Variants in CSMD1 observed in about 807,000 individuals in gnomAD.
CSMD1 encodes CUB and Sushi multiple domains 1, also known as CUB and sushi domain-containing protein 1.
In CSMD1, 213 loss-of-function variants were observed where a neutral mutation model predicts 417.5. That is an observed-to-expected ratio of 0.51 (90% confidence interval 0.46 to 0.57). CSMD1 has a LOEUF of 0.57. CSMD1 is among the 20% of genes least tolerant of loss of function. The pLI, the probability that CSMD1 is intolerant of heterozygous loss-of-function variation, is 0.00. For missense variants in CSMD1, 6,923 were observed against 4,529.7 expected, an observed-to-expected ratio of 1.53 and a Z score of -15.17; for synonymous variants, 2,862 against 1,736.8, an observed-to-expected ratio of 1.65 and a Z score of -16.11.
rs1797582985 is a variant in CSMD1 at position 4,035,746 on chromosome 8, AAAG to A, written c.416-3650_416-3648del. ...GAAGAGTCAAATGCTTAAAAATGAA[AAAG>A]AAGTTTATGAAGTAACGTTATACTA... On this transcript the variant is annotated intron_variant, in intron 3 of 69. Transcript: ENST00000635120. 2.0e-5 allele frequency among the ~76,000 whole-genome samples: 3 copies of A among 152,234 alleles called. 1 individual carries two copies. Among genetic ancestry groups the A allele is most frequent in the Non-Finnish European group, 4.4e-5 (3 of 68,038 alleles).
intron 62 of CSMD1, 23 bp downstream of exon 62, chr8:2,961,118 A>C: frequency 6.9e-7 from 1 of 1,452,952 alleles, no homozygotes; most frequent in Non-Finnish European, 9.4e-7. Context: ...GAAAGAAAAC[A>C]TAGTAAATTC....
At chr8:4,904,606 G>A (rs1805115478) in intron 1 of CSMD1, among the ~76,000 whole-genome samples, 1 of 152,076 alleles carries the variant, frequency 6.6e-6, no homozygotes, top group African/African-American at 2.4e-5. Context: ...GCACATATAT[G>A]AGTGAGCCAG....
At chr8:4,818,634 A>G (rs955197598) in intron 1 of CSMD1, among the ~76,000 whole-genome samples, 2 of 152,200 alleles carry the variant, frequency 1.3e-5, no homozygotes, top group African/African-American at 4.8e-5. Flanking sequence ...GTGCCAGTAA[A>G]AGGAAATAAT....
At chr8:3,357,652 T>A (rs1808881713) in intron 21 of CSMD1, among the ~76,000 whole-genome samples, 2 of 152,302 alleles carry the variant, frequency 1.3e-5, no homozygotes, top group South Asian at 4.1e-4. Flanking sequence ...CATATCTAGA[T>A]GTCACCTTGA....
intron 28 of CSMD1, among the ~76,000 whole-genome samples, chr8:3,220,555 G>A (rs968196047): frequency 6.6e-6 from 1 of 152,180 alleles, no homozygotes; most frequent in Non-Finnish European, 1.5e-5. Context: ...CATTGCAGCA[G>A]AGCACAGTGG....
At chr8:4,846,530 C>G (rs755734019) in intron 1 of CSMD1, among the ~76,000 whole-genome samples, 3 of 152,162 alleles carry the variant, frequency 2.0e-5, no homozygotes, top group Non-Finnish European at 4.4e-5. Flanking sequence ...CTGTTTTGGT[C>G]CAGCCACAGG....
chr8:4,371,079 T>G (rs1017707199), intron 3 of CSMD1, among the ~76,000 whole-genome samples: 3 of 152,214 alleles, frequency 2.0e-5, no homozygotes, highest in African/African-American at 7.2e-5. Context: ...GAAGTTACTG[T>G]TCTTTAGATG....
intron 5 of CSMD1, among the ~76,000 whole-genome samples, chr8:3,986,295 T>A (rs990201562): frequency 6.6e-6 from 1 of 152,154 alleles, no homozygotes; most frequent in Non-Finnish European, 1.5e-5. Flanking sequence ...TCCTTCCCTA[T>A]GTTTCTAAAA....
intron 10 of CSMD1, among the ~76,000 whole-genome samples, chr8:3,552,018 T>C (rs1034681110): frequency 3.3e-5 from 5 of 152,310 alleles, no homozygotes; most frequent in South Asian, 2.1e-4. Flanking sequence ...AGAAGTTTCA[T>C]AGCAAATGTT....
chr8:3,173,259 T>C (rs1414349477), intron 37 of CSMD1, among the ~76,000 whole-genome samples: 1 of 152,202 alleles, frequency 6.6e-6, no homozygotes, highest in Non-Finnish European at 1.5e-5. Flanking sequence ...AAATAAATAT[T>C]GAATGCCTAA....
chr8:4,867,764 C>T (rs182257636), intron 1 of CSMD1, among the ~76,000 whole-genome samples: 4 of 152,014 alleles, frequency 2.6e-5, no homozygotes, highest in Non-Finnish European at 5.9e-5. Flanking sequence ...TTTTTAGTAG[C>T]TTAAAGATAA....
chr8:3,500,453 G>A (rs773484567), intron 10 of CSMD1, among the ~76,000 whole-genome samples: 3 of 152,172 alleles, frequency 2.0e-5, no homozygotes, highest in Non-Finnish European at 4.4e-5. Context: ...CCTAACCACA[G>A]ATGCCACCTA....
chr8:3,398,957 C>G (rs563602516), intron 16 of CSMD1, among the ~76,000 whole-genome samples: 1 of 152,146 alleles, frequency 6.6e-6, no homozygotes, highest in Admixed American at 6.5e-5. Context: ...CCCCATTGCC[C>G]GCTCAGCATC....
chr8:4,260,813 A>G (rs974901326), intron 3 of CSMD1, among the ~76,000 whole-genome samples: 1 of 152,186 alleles, frequency 6.6e-6, no homozygotes, highest in Non-Finnish European at 1.5e-5. Context: ...GAAAATTATT[A>G]TGTATATTAT....
intron 68 of CSMD1, among the ~76,000 whole-genome samples, chr8:2,948,280 A>T (rs1585037563): frequency 6.6e-6 from 1 of 152,148 alleles, no homozygotes; most frequent in African/African-American, 2.4e-5. Context: ...AACCTTGGGA[A>T]CTTCTATACT....
chr8:3,953,784 C>A (rs1811741318), intron 5 of CSMD1, among the ~76,000 whole-genome samples: 1 of 152,028 alleles, frequency 6.6e-6, no homozygotes, highest in Non-Finnish European at 1.5e-5. Context: ...CCACAAGCCC[C>A]GCAACACCTC....
chr8:3,419,133 C>A (rs554647109), intron 12 of CSMD1, among the ~76,000 whole-genome samples: 2 of 152,178 alleles, frequency 1.3e-5, no homozygotes, highest in African/African-American at 2.4e-5. Flanking sequence ...ATGACGCAAG[C>A]TGCGCTGTTC....
chr8:4,850,686 C>G (rs1192571041), intron 1 of CSMD1, among the ~76,000 whole-genome samples: 1 of 152,076 alleles, frequency 6.6e-6, no homozygotes, highest in Non-Finnish European at 1.5e-5. Flanking sequence ...CTTTGTCTCT[C>G]TCTCTCTCTG....
chr8:3,169,497 G>C (rs530714183), intron 37 of CSMD1, among the ~76,000 whole-genome samples: 19 of 152,136 alleles, frequency 1.2e-4, no homozygotes, highest in African/African-American at 4.1e-4. Context: ...AAAAGGAAAT[G>C]TGGTTGCCTA....
Sources: allele counts gnomAD v4.1 joint callset (sites outside exome capture counted in the v4.1 genomes callset), GRCh38; gene constraint gnomAD v4.1.1; transcripts MANE v1.5; gene names NCBI Gene and HGNC (gene_info 2026-07-23, HGNC 2026-07-21).